The following AKAP6 variants were observed in gnomAD, a reference collection of about 807,000 sequenced individuals.
AKAP6 encodes A-kinase anchor protein 6.
A neutral mutation model predicts 188.5 loss-of-function variants in AKAP6; 58 were observed. The ratio of observed to expected loss-of-function variants is 0.31; its 90% CI spans 0.25 to 0.38. The LOEUF (loss-of-function observed/expected upper bound fraction) is 0.38. AKAP6 is among the 10% of genes least tolerant of loss of function. The pLI is 1.00. For synonymous variants in AKAP6, 989 were observed against 998.6 expected (o/e 0.99, Z 0.18); for missense variants, 2,710 against 2,740.0 (o/e 0.99, Z 0.24).
intron 2 of AKAP6, among the ~76,000 whole-genome samples, chr14:32,476,795 G>C (rs1879087941): frequency 6.6e-6 from 1 of 152,192 alleles, no homozygotes; most frequent in African/African-American, 2.4e-5. Flanking sequence ...CAAGCAAGGA[G>C]AATCAGCAGC....
In AKAP6 at chr14:32,538,987, C is replaced by T. The variant is rs73269445; in HGVS notation, c.576+3182C>T. Among the ~76,000 whole-genome samples the T allele has an allele frequency of 3.2e-3, 483 of 152,130 alleles. 2 individuals carry two copies. Among genetic ancestry groups the T allele is most frequent in the African/African-American group, 0.011 (469 of 41,520 alleles). ...AATAATAATTATTGTTTCTTCCCTG[C>T]CTTTCTTCCTTCTATCTTCTCTATT... is the stretch of plus-strand genomic sequence containing the variant. On this transcript the variant is annotated intron_variant, in intron 3 of 13. Coordinates refer to ENST00000280979, the MANE Select transcript of AKAP6 (RefSeq NM_004274.5).
chr14:32,573,626 T>C (rs1211731268), intron 4 of AKAP6, among the ~76,000 whole-genome samples: 1 of 152,214 alleles, frequency 6.6e-6, no homozygotes, highest in Non-Finnish European at 1.5e-5. Context: ...AGTAGTGTGC[T>C]TTTTCACACA....
chr14:32,585,447 A>G (rs1885191375), intron 5 of AKAP6, among the ~76,000 whole-genome samples: 1 of 152,088 alleles, frequency 6.6e-6, no homozygotes, highest in Non-Finnish European at 1.5e-5. Context: ...ATTCAATTTG[A>G]TAAATGAGGA....
chr14:32,725,880 T>A (rs528598927), intron 9 of AKAP6, among the ~76,000 whole-genome samples: 2 of 152,334 alleles, frequency 1.3e-5, no homozygotes, highest in South Asian at 2.1e-4. Flanking sequence ...CTCCATTTCC[T>A]GTTTAATTGA....
At chr14:32,451,872 T>C (rs1890946170) in intron 2 of AKAP6, among the ~76,000 whole-genome samples, 1 of 152,064 alleles carries the variant, frequency 6.6e-6, no homozygotes, top group South Asian at 2.1e-4. Flanking sequence ...TAGAATTCTA[T>C]TGGATAGTGC....
At chr14:32,738,373 C>A (rs2031528789) in intron 11 of AKAP6, among the ~76,000 whole-genome samples, 1 of 152,106 alleles carries the variant, frequency 6.6e-6, no homozygotes, top group Non-Finnish European at 1.5e-5. Context: ...TGGCCTGGTC[C>A]CAAAACGAGT....
chr14:32,669,967 G>T (rs1287957003), intron 7 of AKAP6, among the ~76,000 whole-genome samples: 15 of 151,806 alleles, frequency 9.9e-5, no homozygotes, highest in African/African-American at 3.6e-4. Context: ...TATGGTGGCG[G>T]ATGCCTGTAA....
chr14:32,417,570 G>A (rs1259378964), intron 1 of AKAP6, among the ~76,000 whole-genome samples: 2 of 152,124 alleles, frequency 1.3e-5, no homozygotes, highest in Non-Finnish European at 2.9e-5. Flanking sequence ...TGACTTGCTT[G>A]TTAGCCAGAG....
Position 32,824,800 on chromosome 14 carries a change from A to G in AKAP6, c.*27A>G. The G allele has an allele frequency of 6.3e-7, 1 of 1,591,264 alleles. No individual in the cohort carries two copies. Among genetic ancestry groups the G allele is most frequent in the Non-Finnish European group, 8.5e-7 (1 of 1,170,732 alleles). On this transcript the variant is annotated 3_prime_UTR_variant, in exon 13 of 14. Transcript: ENST00000280979. ...ATGTACCCCCTCCCCAAGCATGAAA[A>G]TCATCTCACTGAAAGGTACGTATAG...
intron 4 of AKAP6, among the ~76,000 whole-genome samples, chr14:32,575,610 A>G (rs1330314532): frequency 6.6e-6 from 1 of 152,178 alleles, no homozygotes; most frequent in Non-Finnish European, 1.5e-5. Context: ...GTTTTATCAA[A>G]TCTAACCAAT....
chr14:32,487,584 G>A (rs1429450865), intron 2 of AKAP6, among the ~76,000 whole-genome samples: 2 of 152,202 alleles, frequency 1.3e-5, no homozygotes, highest in Non-Finnish European at 2.9e-5. Context: ...TTTTGCCCTT[G>A]CTGGCGAGGA....
intron 1 of AKAP6, among the ~76,000 whole-genome samples, chr14:32,392,456 T>C (rs1888743599): frequency 6.6e-6 from 1 of 152,184 alleles, no homozygotes; most frequent in Admixed American, 6.6e-5. Flanking sequence ...CAAATGCTTG[T>C]GTATGCATGG....
intron 4 of AKAP6, among the ~76,000 whole-genome samples, chr14:32,556,257 T>C (rs895667277): frequency 4.6e-5 from 7 of 152,346 alleles, no homozygotes; most frequent in East Asian, 1.9e-4. Flanking sequence ...TATATCATCT[T>C]TGGAGAAATG....
chr14:32,565,769 G>A (rs780844259), intron 4 of AKAP6, among the ~76,000 whole-genome samples: 7 of 152,286 alleles, frequency 4.6e-5, no homozygotes, highest in Admixed American at 2.0e-4. Context: ...TAAGTGTTTC[G>A]TATTTGTCTT....
intron 1 of AKAP6, among the ~76,000 whole-genome samples, chr14:32,330,097 T>G (rs1172928355): frequency 6.6e-6 from 1 of 152,094 alleles, no homozygotes; most frequent in African/African-American, 2.4e-5. Context: ...CTGGAGTTGT[T>G]TGCAGGCTGA....
chr14:32,683,493 A>C (rs1889782738), intron 8 of AKAP6, among the ~76,000 whole-genome samples: 1 of 152,340 alleles, frequency 6.6e-6, no homozygotes, highest in Non-Finnish European at 1.5e-5. Context: ...GCTCAAAGAG[A>C]AAGAAAACAG....
chr14:32,709,784 C>G (rs1890963839), intron 9 of AKAP6, among the ~76,000 whole-genome samples: 1 of 152,072 alleles, frequency 6.6e-6, no homozygotes, highest in Non-Finnish European at 1.5e-5. Flanking sequence ...CAGCCAGAAT[C>G]CATGCTCTGT....
At chr14:32,509,320 G>A (rs141715990) in intron 2 of AKAP6, among the ~76,000 whole-genome samples, 91 of 151,848 alleles carry the variant, frequency 6.0e-4, no homozygotes, top group African/African-American at 2.1e-3. Context: ...TAGAGACGGG[G>A]TTTCGCCATG....
chr14:32,547,853 A>G (rs988210511), intron 4 of AKAP6, among the ~76,000 whole-genome samples: 1 of 151,966 alleles, frequency 6.6e-6, no homozygotes, highest in African/African-American at 2.4e-5. Flanking sequence ...CAAAAAAAAA[A>G]AAAAATCTCA....
Sources: gnomAD v4.1 joint callset for allele counts (sites outside exome capture counted in the v4.1 genomes callset) on GRCh38, gnomAD v4.1.1 for gene constraint, MANE v1.5 for transcripts, NCBI Gene and HGNC (gene_info 2026-07-23, HGNC 2026-07-21) for gene names.